The following UNC5D variants were observed in gnomAD, a reference collection of about 807,000 sequenced individuals.
UNC5D encodes the protein netrin receptor UNC5D.
A neutral mutation model predicts 105.4 loss-of-function variants in UNC5D; 39 were observed. The observed-to-expected ratio is 0.37, with a 90% CI of 0.29 to 0.48. The LOEUF (loss-of-function observed/expected upper bound fraction) is 0.48, where lower values mean the gene tolerates loss of function less well. Ranked by LOEUF, UNC5D falls within the 20% of genes least tolerant of loss-of-function variation. UNC5D has a pLI of 0.98. For missense variants in UNC5D, 991 were observed against 1,202.4 expected (o/e 0.82, Z 2.60); for synonymous variants, 452 against 450.4 (o/e 1.00, Z -0.04).
intron 1 of UNC5D, among the ~76,000 whole-genome samples, chr8:35,411,088 A>T (rs1805133313): frequency 6.6e-6 from 1 of 152,000 alleles, no homozygotes; most frequent in Non-Finnish European, 1.5e-5. Context: ...TAGACCTGGG[A>T]GATAGAGATC....
chr8:35,599,065 C>T (rs1586214954), intron 4 of UNC5D, among the ~76,000 whole-genome samples: 1 of 146,678 alleles, frequency 6.8e-6, no homozygotes, highest in South Asian at 2.2e-4. Flanking sequence ...ATTGTTTGAA[C>T]CCGGGAGGTA....
At chr8:35,251,691 T>C (rs1221481986) in intron 1 of UNC5D, among the ~76,000 whole-genome samples, 1 of 152,182 alleles carries the variant, frequency 6.6e-6, no homozygotes, top group Admixed American at 6.5e-5. Flanking sequence ...GACAAGAACA[T>C]AGGGGCCCAT....
chr8:35,454,167 G>A (rs1278307463), intron 1 of UNC5D, among the ~76,000 whole-genome samples: 2 of 152,190 alleles, frequency 1.3e-5, no homozygotes, highest in East Asian at 1.9e-4. Context: ...AGTGGAATGG[G>A]AAAGATAACA....
In UNC5D at chr8:35,722,332, G is replaced by A. The variant is rs149536132; in HGVS notation, c.1240G>A (p.Val414Ile). Reference protein sequence around the residue: ...RRSQSDYGVDVIDSSALTGGF... With the variant: ...RRSQSDYGVDIIDSSALTGGF... ...GAGCCAGAGTGACTATGGCGTGGAC[G>A]TCATTGACTCTTCTGCATTGACAGG... Residue 414 changes from valine to isoleucine, a missense_variant, in exon 9 of 17, where the codon GTC (valine) becomes ATC (isoleucine). Coordinates refer to ENST00000404895, the MANE Select transcript of UNC5D (RefSeq NM_080872.4). 5.9e-5 allele frequency: 95 copies of A among 1,614,010 alleles called. No individual in the cohort carries two copies. The highest frequency in any genetic ancestry group is 7.4e-5 in the Non-Finnish European group (87 of 1,180,008).
At chr8:35,401,266 C>T (rs1354010895) in intron 1 of UNC5D, among the ~76,000 whole-genome samples, 2 of 152,056 alleles carry the variant, frequency 1.3e-5, no homozygotes, top group Non-Finnish European at 2.9e-5. Flanking sequence ...GGAGGATTAC[C>T]TGAGGTCAGG....
At chr8:35,573,990 A>G (rs1191910643) in intron 3 of UNC5D, among the ~76,000 whole-genome samples, 3 of 152,214 alleles carry the variant, frequency 2.0e-5, no homozygotes, top group African/African-American at 7.2e-5. Context: ...AACAACTCCC[A>G]CGGGCCTCCT....
intron 2 of UNC5D, among the ~76,000 whole-genome samples, chr8:35,558,135 A>G (rs1816691576): frequency 6.6e-6 from 1 of 151,618 alleles, no homozygotes. Flanking sequence ...TCAAAAAAAA[A>G]AAAAAAAAAA....
At chr8:35,675,703 C>A (rs929241113) in intron 4 of UNC5D, among the ~76,000 whole-genome samples, 5 of 151,826 alleles carry the variant, frequency 3.3e-5, no homozygotes, top group Non-Finnish European at 7.4e-5. Flanking sequence ...GGCCTGGGGT[C>A]CTGCATATGA....
intron 1 of UNC5D, among the ~76,000 whole-genome samples, chr8:35,392,370 C>G (rs1339348255): frequency 6.6e-6 from 1 of 152,138 alleles, no homozygotes; most frequent in Non-Finnish European, 1.5e-5. Context: ...TGCCATCACA[C>G]CCAGCCAATT....
At position 35,652,172 on chromosome 8, in the gene UNC5D, C is replaced by T. The variant is rs79301008; in HGVS notation, c.571-31375C>T. On this transcript the variant is annotated intron_variant, in intron 4 of 16. Transcript: ENST00000404895. ...AATAATGCATTTATTTTCAAATTTC[C>T]GACTTTTTGAGAGTGAGCCAGAAGG... Among the ~76,000 whole-genome samples the T allele has an allele frequency of 3.6e-4, 55 of 152,050 alleles. 1 individual carries two copies. In the East Asian group the frequency reaches 4.8e-3, roughly 13 times the overall value.
intron 4 of UNC5D, among the ~76,000 whole-genome samples, chr8:35,611,735 G>A (rs1222130615): frequency 6.6e-6 from 1 of 152,176 alleles, no homozygotes; most frequent in African/African-American, 2.4e-5. Context: ...ACTAAAGATA[G>A]CAACTTTAAT....
intron 1 of UNC5D, among the ~76,000 whole-genome samples, chr8:35,451,151 C>G (rs1008242431): frequency 2.7e-5 from 4 of 149,472 alleles, no homozygotes; most frequent in African/African-American, 9.9e-5. Flanking sequence ...TCAAGCAATT[C>G]TCCTGCCTCA....
intron 1 of UNC5D, among the ~76,000 whole-genome samples, chr8:35,236,407 C>T (rs1359466475): frequency 2.0e-5 from 3 of 152,258 alleles, no homozygotes; most frequent in African/African-American, 7.2e-5. Context: ...CTTGGCACCC[C>T]TCGGGCGTCC....
intron 4 of UNC5D, among the ~76,000 whole-genome samples, chr8:35,605,980 T>A (rs575157332): frequency 4.6e-5 from 7 of 152,052 alleles, no homozygotes; most frequent in South Asian, 2.1e-4. Flanking sequence ...TTTCCTTTTT[T>A]TTTATTTATT....
intron 1 of UNC5D, among the ~76,000 whole-genome samples, chr8:35,435,366 C>G (rs530147162): frequency 2.0e-5 from 3 of 152,036 alleles, no homozygotes; most frequent in Non-Finnish European, 2.9e-5. Context: ...TGTCTTCACT[C>G]CTACATTTCT....
chr8:35,659,959 G>A (rs1824012019), intron 4 of UNC5D, among the ~76,000 whole-genome samples: 1 of 152,126 alleles, frequency 6.6e-6, no homozygotes, highest in African/African-American at 2.4e-5. Context: ...CATGAATGAA[G>A]AAAACCATTT....
intron 1 of UNC5D, among the ~76,000 whole-genome samples, chr8:35,421,595 AT>A (rs1304592513): frequency 1.3e-5 from 2 of 152,234 alleles, no homozygotes; most frequent in Non-Finnish European, 1.5e-5. Flanking sequence ...AATGTAAACA[AT>A]TTTTTATTGA....
At chr8:35,672,384 T>TATC (rs1824869729) in intron 4 of UNC5D, among the ~76,000 whole-genome samples, 1 of 152,180 alleles carries the variant, frequency 6.6e-6, no homozygotes, top group African/African-American at 2.4e-5. Context: ...CCTTATAATC[T>TATC]ATCTTAGAGA....
intron 16 of UNC5D, among the ~76,000 whole-genome samples, chr8:35,775,209 A>G (rs1054053654): frequency 1.3e-5 from 2 of 152,178 alleles, no homozygotes; most frequent in Non-Finnish European, 2.9e-5. Flanking sequence ...TCAACCTACA[A>G]AATTGATTGC....
Sources: gnomAD v4.1 joint callset for allele counts (sites outside exome capture counted in the v4.1 genomes callset) on GRCh38, gnomAD v4.1.1 for gene constraint, MANE v1.5 for transcripts, NCBI Gene and HGNC (gene_info 2026-07-23, HGNC 2026-07-21) for gene names.